The following ANO10 variants were observed in gnomAD, a reference collection of about 807,000 sequenced individuals.
ANO10 encodes anoctamin 10, also known as anoctamin-10.
A neutral mutation model predicts 74.7 loss-of-function variants in ANO10; 77 were observed. The ratio of observed to expected loss-of-function variants is 1.03; its 90% CI spans 0.86 to 1.25. The LOEUF is 1.25. Ranked by LOEUF, ANO10 falls within the 50% of genes most tolerant of loss-of-function variation. The pLI is 0.00. For missense variants in ANO10, 721 were observed against 778.1 expected (o/e 0.93, Z 0.87); for synonymous variants, 279 against 284.9 (o/e 0.98, Z 0.21).
At chr3:43,598,734 T>C (rs1378639794) in intron 3 of ANO10, 68 bp from the exon 4 acceptor site, 1 of 1,279,900 alleles carries the variant, frequency 7.8e-7, no homozygotes, top group Non-Finnish European at 1.1e-6. Context: ...TTACCTGAGA[T>C]TACAGAAATA....
At chr3:43,460,695 A>G (rs1247778839) in intron 11 of ANO10, among the ~76,000 whole-genome samples, 1 of 152,234 alleles carries the variant, frequency 6.6e-6, no homozygotes, top group Non-Finnish European at 1.5e-5. Flanking sequence ...AAAATCAGAC[A>G]GACACACAGC....
intron 11 of ANO10, among the ~76,000 whole-genome samples, chr3:43,529,497 A>T (rs2078361051): frequency 6.6e-6 from 1 of 152,210 alleles, no homozygotes; most frequent in Non-Finnish European, 1.5e-5. Context: ...GAGAACTGCT[A>T]TACTGAAGAA....
intron 1 of ANO10, among the ~76,000 whole-genome samples, chr3:43,620,506 A>C (rs547822677): frequency 2.0e-5 from 3 of 152,160 alleles, no homozygotes; most frequent in Admixed American, 6.5e-5. Flanking sequence ...TGGCCAGCAC[A>C]GTGGCTCACG....
intron 11 of ANO10, among the ~76,000 whole-genome samples, chr3:43,500,771 T>C (rs1374248316): frequency 6.6e-6 from 1 of 152,220 alleles, no homozygotes; most frequent in Non-Finnish European, 1.5e-5. Flanking sequence ...TCCTAATAAA[T>C]ATCTTACTTT....
At chr3:43,380,390 C>A (rs1461986534) in intron 12 of ANO10, among the ~76,000 whole-genome samples, 4 of 152,164 alleles carry the variant, frequency 2.6e-5, no homozygotes, top group Admixed American at 2.6e-4. Context: ...ATCAGGCTAT[C>A]TAAGGTCAAG....
At chr3:43,604,463 G>T (rs1033779978) in intron 2 of ANO10, among the ~76,000 whole-genome samples, 2 of 150,618 alleles carry the variant, frequency 1.3e-5, no homozygotes, top group African/African-American at 4.9e-5. Flanking sequence ...CTATTCAGCC[G>T]CCTGTTTCCT....
intron 11 of ANO10, among the ~76,000 whole-genome samples, chr3:43,452,856 C>T (rs1337744639): frequency 6.6e-6 from 1 of 152,076 alleles, no homozygotes; most frequent in African/African-American, 2.4e-5. Context: ...TATTATTTGC[C>T]TTTTTGTTTA....
At chr3:43,598,079 T>G (rs1013393456) in intron 4 of ANO10, among the ~76,000 whole-genome samples, 1 of 152,250 alleles carries the variant, frequency 6.6e-6, no homozygotes, top group African/African-American at 2.4e-5. Flanking sequence ...ACTTTCATTC[T>G]GCAAACTAGT....
At chr3:43,690,841 C>A in intron 1 of ANO10, 1 of 744,850 alleles carries the variant, frequency 1.3e-6, no homozygotes, top group Non-Finnish European at 1.9e-6. Context: ...CGCGCACGCG[C>A]AAACGCGGGC....
At chr3:43,621,205 C>A (rs1247989192) in intron 1 of ANO10, among the ~76,000 whole-genome samples, 1 of 152,170 alleles carries the variant, frequency 6.6e-6, no homozygotes, top group Non-Finnish European at 1.5e-5. Context: ...GCAGCGCACA[C>A]CAATGCTGGT....
chr3:43,603,284 C>T lies in ANO10; in HGVS notation c.139+2430G>A, dbSNP rs368904371. On this transcript the variant is annotated intron_variant, in intron 2 of 12. Coordinates refer to ENST00000292246, the MANE Select transcript of ANO10 (RefSeq NM_018075.5). ...ACTCTTTCTTCACTCTGCCCTCACA[C>T]CTCACTTTTCTTTGTTCTCTTTCTA... is the stretch of plus-strand genomic sequence containing the variant. Among the ~76,000 whole-genome samples, 9 of 152,280 alleles carry T rather than the reference C, an allele frequency of 5.9e-5. No individual in the cohort carries two copies. The East Asian group carries it at 1.2e-3, about 20-fold the overall frequency.
At chr3:43,680,268 CA>C (rs2084176724) in intron 1 of ANO10, among the ~76,000 whole-genome samples, 1 of 152,142 alleles carries the variant, frequency 6.6e-6, no homozygotes, top group Non-Finnish European at 1.5e-5. Flanking sequence ...AAAACCATGG[CA>C]CGAGAACTAT....
chr3:43,438,315 A>G (rs1240424717), intron 11 of ANO10, among the ~76,000 whole-genome samples: 3 of 152,084 alleles, frequency 2.0e-5, no homozygotes, highest in South Asian at 2.1e-4. Context: ...GTGGTGCCAC[A>G]TGCCTGATGT....
At chr3:43,472,383 A>C (rs73081068) in intron 11 of ANO10, 1 of 151,500 alleles carries the variant, frequency 6.6e-6, no homozygotes, top group East Asian at 1.9e-4. Context: ...TTTTTTAAAA[A>C]ACCCTTAAAA....
chr3:43,370,884 TGGA>T (rs1400892098), intron 12 of ANO10, among the ~76,000 whole-genome samples: 3 of 152,298 alleles, frequency 2.0e-5, no homozygotes, highest in Admixed American at 2.0e-4. Flanking sequence ...CTTGTCTCTG[TGGA>T]GAAGTACAGA....
chr3:43,609,517 C>T (rs1436336461), intron 1 of ANO10, among the ~76,000 whole-genome samples: 1 of 152,212 alleles, frequency 6.6e-6, no homozygotes, highest in African/African-American at 2.4e-5. Context: ...ATCCTTCTAA[C>T]AATTTGGAGA....
At chr3:43,640,538 T>TA (rs2083661155) in intron 1 of ANO10, among the ~76,000 whole-genome samples, 1 of 152,184 alleles carries the variant, frequency 6.6e-6, no homozygotes, top group Non-Finnish European at 1.5e-5. Context: ...TCCCATGCAC[T>TA]AAAAAGATTC....
At chr3:43,521,428 C>A (rs1463157319) in intron 11 of ANO10, among the ~76,000 whole-genome samples, 1 of 152,136 alleles carries the variant, frequency 6.6e-6, no homozygotes, top group Non-Finnish European at 1.5e-5. Flanking sequence ...TAGTAGAGAA[C>A]CCCAATCTCT....
At chr3:43,587,774 C>T (rs968973276) in intron 4 of ANO10, among the ~76,000 whole-genome samples, 2 of 151,382 alleles carry the variant, frequency 1.3e-5, no homozygotes, top group Non-Finnish European at 2.9e-5. Flanking sequence ...AATATTTAAA[C>T]GTTAATGAGA....
Sources: gnomAD v4.1 joint callset for allele counts (sites outside exome capture counted in the v4.1 genomes callset) on GRCh38, gnomAD v4.1.1 for gene constraint, MANE v1.5 for transcripts, NCBI Gene and HGNC (gene_info 2026-07-23, HGNC 2026-07-21) for gene names.